COL4A6: variants seen among roughly 807,000 people sequenced by gnomAD.
COL4A6 encodes collagen alpha-6(IV) chain.
COL4A6 carries 59 observed loss-of-function variants against 126.7 expected under a neutral mutation model. The ratio of observed to expected loss-of-function variants is 0.47; its 90% CI spans 0.38 to 0.58. The LOEUF is 0.58. COL4A6 is among the 20% of genes least tolerant of loss of function. The pLI is 0.00. For missense variants in COL4A6, 1,285 were observed against 1,337.3 expected (o/e 0.96, Z 0.61); for synonymous variants, 547 against 496.6 (o/e 1.10, Z -1.35).
chrX:108,166,587 G>C (rs745662986), intron 37 of COL4A6, among the ~76,000 whole-genome samples: 7 of 111,827 alleles, frequency 6.3e-5, no homozygotes, highest in Non-Finnish European at 1.3e-4. Flanking sequence ...AAAAGTGATG[G>C]TAGATTTGGG....
intron 3 of COL4A6, chrX:108,267,967 T>C (rs1350110993): frequency 3.5e-5 from 4 of 112,728 alleles, no homozygotes; most frequent in Non-Finnish European, 7.5e-5. Context: ...TTAAATTACC[T>C]ACTTGTAATA....
intron 3 of COL4A6, among the ~76,000 whole-genome samples, chrX:108,297,830 T>G (rs985848): frequency 9.2e-6 from 1 of 109,194 alleles, no homozygotes; most frequent in African/African-American, 3.4e-5. Flanking sequence ...CACAAGTTCC[T>G]TGGCTCAGGC....
At chrX:108,199,477 G>C (rs1486405121) in intron 13 of COL4A6, among the ~76,000 whole-genome samples, 1 of 111,243 alleles carries the variant, frequency 9.0e-6, no homozygotes, top group Admixed American at 9.5e-5. Flanking sequence ...TGCCAAAGTG[G>C]GCTGAGAACT....
intron 3 of COL4A6, chrX:108,267,593 A>C (rs895209165): frequency 8.9e-6 from 1 of 112,632 alleles, no homozygotes; most frequent in Non-Finnish European, 1.9e-5. Flanking sequence ...TAAAGTGAGG[A>C]ATCATATAAA....
At chrX:108,325,055 G>A (rs188933974) in intron 2 of COL4A6, among the ~76,000 whole-genome samples, 1 of 112,061 alleles carries the variant, frequency 8.9e-6, no homozygotes, top group East Asian at 2.8e-4. Flanking sequence ...CTAAAATTAG[G>A]AGAAACAGCC....
chrX:108,436,939 C>T (rs1262698730), intron 2 of COL4A6, among the ~76,000 whole-genome samples: 1 of 110,952 alleles, frequency 9.0e-6, no homozygotes, highest in African/African-American at 3.3e-5. Context: ...AAAAGCAGAG[C>T]CAATCAGTTA....
At chrX:108,346,379 GAA>G (rs112470703) in intron 2 of COL4A6, among the ~76,000 whole-genome samples, 133 of 107,441 alleles carry the variant, frequency 1.2e-3, no homozygotes, top group African/African-American at 4.0e-3. Flanking sequence ...CCTCTGAAAT[GAA>G]AAAAAAAATA....
At chrX:108,172,394 A>C in intron 32 of COL4A6, 75 bp downstream of exon 32, 2 of 421,431 alleles carry the variant, frequency 4.7e-6, no homozygotes, top group Non-Finnish European at 7.8e-6. Flanking sequence ...AAAAAAAGAG[A>C]GAGACCCTTG....
intron 18 of COL4A6, among the ~76,000 whole-genome samples, chrX:108,192,012 A>G (rs1319234328): frequency 8.9e-6 from 1 of 112,047 alleles, no homozygotes; most frequent in Non-Finnish European, 1.9e-5. Context: ...AGAATGACAT[A>G]TGGATGTGAT....
At chrX:108,407,851 C>A (rs188490325) in intron 2 of COL4A6, among the ~76,000 whole-genome samples, 31 of 112,232 alleles carry the variant, frequency 2.8e-4, no homozygotes, top group Non-Finnish European at 1.5e-4. Flanking sequence ...GTGGTGATCG[C>A]GTTAGTACCA....
intron 2 of COL4A6, among the ~76,000 whole-genome samples, chrX:108,415,375 G>A (rs903898882): frequency 8.9e-6 from 1 of 112,171 alleles, no homozygotes; most frequent in Non-Finnish European, 1.9e-5. Flanking sequence ...TTGTATTAGA[G>A]GAAGAGGAAT....
chrX:108,261,784 T>G (rs1276738227), intron 3 of COL4A6, among the ~76,000 whole-genome samples: 1 of 111,630 alleles, frequency 9.0e-6, no homozygotes, highest in Non-Finnish European at 1.9e-5. Context: ...GAGTAAACAT[T>G]CCATCTGATC....
intron 2 of COL4A6, among the ~76,000 whole-genome samples, chrX:108,400,223 G>A (rs374877076): frequency 2.1e-4 from 23 of 111,161 alleles, no homozygotes; most frequent in African/African-American, 7.5e-4. Flanking sequence ...AAGTCTCTAG[G>A]TTTGTCATTT....
At chrX:108,195,970 C>T (rs1483979275) in intron 14 of COL4A6, among the ~76,000 whole-genome samples, 1 of 111,779 alleles carries the variant, frequency 8.9e-6, no homozygotes, top group African/African-American at 3.3e-5. Context: ...TAGCTCAAGA[C>T]CTAAGTGCCC....
At chrX:108,241,993 GTTTTTTTTTTTT>G in intron 3 of COL4A6, among the ~76,000 whole-genome samples, 1 of 85,890 alleles carries the variant, frequency 1.2e-5, no homozygotes, top group East Asian at 3.7e-4. Flanking sequence ...GATTTCACCA[GTTTTTTTTTTTT>G]TTTTTTTTAA....
At chrX:108,241,993 GTT>G (rs754002626) in intron 3 of COL4A6, among the ~76,000 whole-genome samples, 1,159 of 85,845 alleles carry the variant, frequency 0.014, 25 homozygotes, top group African/African-American at 0.041. Context: ...GATTTCACCA[GTT>G]TTTTTTTTTT....
At position 108,221,240 on chromosome X, in the gene COL4A6, C is replaced by G; in HGVS notation, c.279G>C (p.Lys93Asn). Reference protein sequence around the residue: ...LLGPYGPKGDKGPMGVPGFLG... With the variant: ...LLGPYGPKGDNGPMGVPGFLG... ...AGAAATCAAGCTTTGCTGGTCTTAC[C>G]TTATCTCCTTTTGGTCCATAAGGTC... The change falls in exon 4 of 45, where the codon AAG becomes AAC. Residue 93 changes from lysine (K) to asparagine (N), a missense_variant and splice_region_variant. By Grantham distance (94) the Lys-to-Asn change is moderately conservative. Transcript: ENST00000334504. 11 of 1,211,334 alleles carry G rather than the reference C, an allele frequency of 9.1e-6. No individual in the cohort carries two copies. Among genetic ancestry groups the G allele is most frequent in the Non-Finnish European group, 1.2e-5 (11 of 895,093 alleles).
intron 6 of COL4A6, among the ~76,000 whole-genome samples, chrX:108,212,164 G>A (rs1454164266): frequency 9.1e-6 from 1 of 109,690 alleles, no homozygotes; most frequent in East Asian, 2.9e-4. Flanking sequence ...AAATAATTTA[G>A]GCCTTTTGGG....
intron 8 of COL4A6, among the ~76,000 whole-genome samples, 189 bp downstream of exon 8, chrX:108,209,780 C>T (rs1024724952): frequency 2.7e-5 from 3 of 112,361 alleles, no homozygotes; most frequent in African/African-American, 9.7e-5. Flanking sequence ...TGCAACTTGA[C>T]AGTGGACAGT....
Sources: allele counts gnomAD v4.1 joint callset (sites outside exome capture counted in the v4.1 genomes callset), GRCh38; gene constraint gnomAD v4.1.1; transcripts MANE v1.5; gene names NCBI Gene and HGNC (gene_info 2026-07-23, HGNC 2026-07-21).